Variants in PCDH15 observed in about 807,000 individuals in gnomAD.
The protein encoded by PCDH15 is protocadherin related 15, also known as protocadherin-15.
A neutral mutation model predicts 178.5 loss-of-function variants in PCDH15; 129 were observed. That is an observed-to-expected ratio of 0.72 (90% confidence interval 0.63 to 0.84). The LOEUF (loss-of-function observed/expected upper bound fraction) is 0.84. PCDH15 is among the 40% of genes least tolerant of loss of function. PCDH15 has a pLI of 0.00. For missense variants in PCDH15, 2,230 were observed against 2,099.9 expected (o/e 1.06, Z -1.21); for synonymous variants, 800 against 732.0 (o/e 1.09, Z -1.50).
chr10:53,888,902 A>C (rs958529391), intron 26 of PCDH15, among the ~76,000 whole-genome samples: 4 of 151,074 alleles, frequency 2.6e-5, no homozygotes, highest in Non-Finnish European at 5.9e-5. Flanking sequence ...TAAAGTATTC[A>C]GAAATAAGCC....
intron 2 of PCDH15, among the ~76,000 whole-genome samples, chr10:55,443,604 G>C (rs1017137857): frequency 6.6e-6 from 1 of 152,116 alleles, no homozygotes; most frequent in Non-Finnish European, 1.5e-5. Context: ...GCTCCATTTA[G>C]AATGGTGATC....
intron 2 of PCDH15, among the ~76,000 whole-genome samples, chr10:54,577,308 A>G (rs1297556369): frequency 8.0e-5 from 12 of 149,680 alleles, no homozygotes; most frequent in Middle Eastern, 3.5e-3. Flanking sequence ...TGGCCAGGAT[A>G]GTCTCGATCT....
rs759182908 is a variant in PCDH15, at chr10:53,806,598, A to C, written c.5204T>G (p.Ile1735Arg). 6.2e-7 allele frequency: 1 copy of C among 1,613,218 alleles called. No individual in the cohort carries two copies. The highest frequency in any genetic ancestry group is 8.5e-7 in the Non-Finnish European group (1 of 1,179,408). ...AATTGGTCACAGTTTTGTCATTGGT[A>C]TATGGAGGTTGTTCCAGGGGCCCAT... ...LWMGPWNNLHIPMTKL is the reference protein window; with the variant it reads ...LWMGPWNNLHRPMTKL Residue 1735 changes from isoleucine (I) to arginine (R), a missense_variant, in exon 38 of 38, where the codon ATA (isoleucine) becomes AGA (arginine). Ile to Arg is a moderately conservative substitution (Grantham distance 97). Transcript: ENST00000644397.
chr10:53,822,582 C>CT, intron 32 of PCDH15: 1 of 1,613,948 alleles, frequency 6.2e-7, no homozygotes, highest in Non-Finnish European at 8.5e-7. Context: ...AGGTGTCTCT[C>CT]TCCTAGAGAG....
chr10:54,104,358 T>A (rs1026241769), intron 15 of PCDH15, among the ~76,000 whole-genome samples: 5 of 152,186 alleles, frequency 3.3e-5, no homozygotes, highest in African/African-American at 1.2e-4. Flanking sequence ...ATGCCCTCAC[T>A]TTAACAGGGG....
At chr10:54,485,198 A>G (rs528162239) in intron 3 of PCDH15, among the ~76,000 whole-genome samples, 56 of 151,954 alleles carry the variant, frequency 3.7e-4, no homozygotes, top group African/African-American at 1.2e-3. Flanking sequence ...TGCTGACACT[A>G]TGTCAAAAGT....
intron 26 of PCDH15, among the ~76,000 whole-genome samples, chr10:53,874,710 C>A (rs570196756): frequency 1.4e-5 from 2 of 147,050 alleles, no homozygotes; most frequent in Non-Finnish European, 3.0e-5. Context: ...TCAAAACAAA[C>A]AAGAAACAAT....
At chr10:53,971,084 C>G (rs2089632388) in intron 21 of PCDH15, among the ~76,000 whole-genome samples, 1 of 152,140 alleles carries the variant, frequency 6.6e-6, no homozygotes, top group African/African-American at 2.4e-5. Context: ...AGAAGCTTAT[C>G]CACCACAATC....
chr10:54,405,073 C>T (rs1242869749), intron 3 of PCDH15, among the ~76,000 whole-genome samples: 1 of 152,034 alleles, frequency 6.6e-6, no homozygotes, highest in African/African-American at 2.4e-5. Flanking sequence ...ATTAGTCCAA[C>T]CACTGTGGAA....
chr10:54,942,425 C>T (rs369568202), intron 2 of PCDH15, among the ~76,000 whole-genome samples: 58 of 151,118 alleles, frequency 3.8e-4, no homozygotes, highest in African/African-American at 1.1e-3. Context: ...ATAATTTTCA[C>T]GAGTTATTTT....
chr10:54,032,996 C>T (rs1439847951), intron 18 of PCDH15, among the ~76,000 whole-genome samples: 1 of 151,742 alleles, frequency 6.6e-6, no homozygotes, highest in East Asian at 2.0e-4. Context: ...GGGGAAGCCT[C>T]CCCCATGATC....
intron 2 of PCDH15, chr10:54,608,079 TAA>T (rs2092824426): frequency 4.8e-6 from 2 of 413,474 alleles, no homozygotes; most frequent in Non-Finnish European, 9.2e-6. Context: ...ACAAATACAG[TAA>T]AAGTGATAGA....
intron 2 of PCDH15, among the ~76,000 whole-genome samples, chr10:55,331,586 G>A (rs1844199140): frequency 6.6e-6 from 1 of 151,954 alleles, no homozygotes; most frequent in Non-Finnish European, 1.5e-5. Context: ...CAACATTATG[G>A]TAACTGTGCA....
At position 54,946,045 on chromosome 10, in the gene PCDH15, TTA is replaced by T. The variant is rs534887744; in HGVS notation, c.-79-48547_-79-48546del. ...TAACCATATTTCCTTTGCTTGCTCA[TTA>T]TCTCTTAGTAAAAAATATGTAGGAA... On this transcript the variant is annotated intron_variant, in intron 2 of 5. Transcript: ENST00000458638. Among the ~76,000 whole-genome samples the T allele has an allele frequency of 5.0e-3, 764 of 151,974 alleles. 5 individuals carry two copies. Among genetic ancestry groups the T allele is most frequent in the Non-Finnish European group, 8.2e-3 (555 of 67,834 alleles).
chr10:55,457,669 T>C (rs1371096256), intron 2 of PCDH15, among the ~76,000 whole-genome samples: 3 of 152,008 alleles, frequency 2.0e-5, no homozygotes, highest in African/African-American at 7.2e-5. Context: ...GGTACCAAGA[T>C]ACCCCTGAGG....
intron 3 of PCDH15, among the ~76,000 whole-genome samples, chr10:54,406,045 T>C (rs73236792): frequency 0.02 from 2,993 of 152,124 alleles, 103 homozygotes; most frequent in African/African-American, 0.066. Flanking sequence ...TTATAGAACA[T>C]TGAATTAAAG....
At chr10:55,100,375 A>AT (rs1842547737) in intron 2 of PCDH15, among the ~76,000 whole-genome samples, 1 of 152,094 alleles carries the variant, frequency 6.6e-6, no homozygotes, top group African/African-American at 2.4e-5. Flanking sequence ...TCCTACCGAT[A>AT]TTTTTTATTT....
At chr10:54,879,341 T>C (rs1330188906) in intron 3 of PCDH15, among the ~76,000 whole-genome samples, 1 of 152,136 alleles carries the variant, frequency 6.6e-6, no homozygotes, top group African/African-American at 2.4e-5. Context: ...GCATTTTACT[T>C]GTAATATCTC....
At chr10:53,834,820 C>T (rs1019626871) in intron 29 of PCDH15, among the ~76,000 whole-genome samples, 20 of 152,252 alleles carry the variant, frequency 1.3e-4, no homozygotes, top group African/African-American at 3.9e-4. Context: ...ATCTCACCTT[C>T]GTGACTGATT....
Sources: allele counts gnomAD v4.1 joint callset (sites outside exome capture counted in the v4.1 genomes callset), GRCh38; gene constraint gnomAD v4.1.1; transcripts MANE v1.5; gene names NCBI Gene and HGNC (gene_info 2026-07-23, HGNC 2026-07-21).